The following AKAP9 variants were observed in gnomAD, a reference collection of about 807,000 sequenced individuals.
AKAP9 encodes the protein A-kinase anchor protein 9.
In AKAP9, 311 loss-of-function variants were observed where a neutral mutation model predicts 488.5. The ratio of observed to expected loss-of-function variants is 0.64; its 90% CI spans 0.58 to 0.70. The LOEUF (loss-of-function observed/expected upper bound fraction) is 0.70. Among genes scored for constraint, AKAP9 ranks in the 30% least tolerant of loss-of-function variants. The pLI is 0.00. For missense variants in AKAP9, 4,215 were observed against 4,374.5 expected, an observed-to-expected ratio of 0.96 and a Z score of 1.03; for synonymous variants, 1,462 against 1,483.5, an observed-to-expected ratio of 0.99 and a Z score of 0.33.
At chr7:91,948,605 C>CCTTT (rs1791773313) in intron 1 of AKAP9, among the ~76,000 whole-genome samples, 1 of 107,564 alleles carries the variant, frequency 9.3e-6, no homozygotes. Context: ...TTGTAGATTT[C>CCTTT]TTTTTTTTTT....
At chr7:91,989,828 A>G (rs894005035) in intron 3 of AKAP9, among the ~76,000 whole-genome samples, 4 of 152,060 alleles carry the variant, frequency 2.6e-5, no homozygotes, top group Non-Finnish European at 5.9e-5. Context: ...ATTAAGTACA[A>G]GAATAAGGTA....
chr7:91,971,560 CTTTTTTTTTTTTT>C (rs71107844), intron 1 of AKAP9, among the ~76,000 whole-genome samples: 1 of 68,542 alleles, frequency 1.5e-5, no homozygotes, highest in Non-Finnish European at 2.6e-5. Flanking sequence ...ACATCTATTT[CTTTTTTTTTTTTT>C]TTTTTTTTTT....
intron 24 of AKAP9, among the ~76,000 whole-genome samples, 162 bp from the exon 25 acceptor site, chr7:92,065,069 T>C (rs1810553638): frequency 6.6e-6 from 1 of 152,068 alleles, no homozygotes; most frequent in Non-Finnish European, 1.5e-5. Context: ...AATATTTTAA[T>C]ATAATTTTGA....
rs777423873 is a variant in AKAP9, at chr7:92,102,708, G to A, written c.11212G>A (p.Ala3738Thr). The change falls in exon 46 of 50, where the codon GCC (alanine) becomes ACC (threonine). Residue 3738 changes from alanine (A) to threonine (T), a missense_variant. Around this residue, in one of 5 missense-constraint regions of AKAP9, gnomAD observed 253 missense variants for 266.8 expected, o/e 0.95. Transcript: ENST00000356239. ...GFQECEDATLALLARMGGQPA... is the reference protein window; with the variant it reads ...GFQECEDATLTLLARMGGQPA... ...CCAGGAATGTGAAGATGCCACCTTG[G>A]CCCTGCTTGCCCGGATGGGGGGGCA... is the stretch of plus-strand genomic sequence containing the variant. 1.9e-6 allele frequency: 3 copies of A among 1,614,106 alleles called. No individual in the cohort carries two copies. The highest frequency in any genetic ancestry group is 2.5e-6 in the Non-Finnish European group (3 of 1,180,016).
chr7:92,045,301 GA>G (rs1806782257), intron 21 of AKAP9, 88 bp downstream of exon 21: 1 of 1,302,190 alleles, frequency 7.7e-7, no homozygotes, highest in Non-Finnish European at 1.1e-6. Flanking sequence ...ATATAGAAGA[GA>G]AAATAAGTAT....
At chr7:91,963,954 G>A (rs1011026949) in intron 1 of AKAP9, among the ~76,000 whole-genome samples, 2 of 151,794 alleles carry the variant, frequency 1.3e-5, no homozygotes, top group East Asian at 3.8e-4. Flanking sequence ...TTTTTTTAAA[G>A]CACAACAAAG....
intron 1 of AKAP9, among the ~76,000 whole-genome samples, chr7:91,954,847 A>T (rs572058481): frequency 2.0e-5 from 3 of 152,208 alleles, no homozygotes; most frequent in Admixed American, 2.0e-4. Flanking sequence ...TGATTCTACA[A>T]TACTGTGCCA....
At chr7:91,990,986 G>T (rs539997856) in intron 3 of AKAP9, among the ~76,000 whole-genome samples, 3 of 149,872 alleles carry the variant, frequency 2.0e-5, no homozygotes, top group East Asian at 4.0e-4. Flanking sequence ...ACATACAGTG[G>T]ATCTACACCA....
At chr7:91,995,379 C>G (rs1160808286) in intron 6 of AKAP9, among the ~76,000 whole-genome samples, 1 of 152,158 alleles carries the variant, frequency 6.6e-6, no homozygotes, top group Non-Finnish European at 1.5e-5. Context: ...CTTCGTATAT[C>G]TGCCTCAGTC....
In AKAP9 at chr7:92,002,423, T is replaced by C. The variant is rs774880478; in HGVS notation, c.2506T>C (p.Cys836Arg). The C allele has an allele frequency of 1.6e-5, 25 of 1,608,868 alleles. No individual in the cohort carries two copies. The highest frequency in any genetic ancestry group is 2.0e-5 in the Non-Finnish European group (24 of 1,178,666). Residue 836 changes from cysteine to arginine, a missense_variant, in exon 8 of 50, where the codon TGT (cysteine) becomes CGT (arginine). Transcript: ENST00000356239. ...IEENEDLKQQ[C>R]IQLNEEIEKQ... Reference sequence around the variant, plus strand: ...GGAAAATGAGGACCTCAAACAACAATGTATTCAGCTAAATGAAGAGATTGA... The same window carrying C: ...GGAAAATGAGGACCTCAAACAACAACGTATTCAGCTAAATGAAGAGATTGA...
At chr7:92,066,378 T>A in intron 25 of AKAP9, 49 bp from the exon 26 acceptor site, 1 of 1,605,418 alleles carries the variant, frequency 6.2e-7, no homozygotes. Context: ...TAATAGCTTC[T>A]CTAAATACTG....
rs770483120 is a variant in AKAP9, at chr7:92,107,323, C to G, written c.11447C>G (p.Ser3816Cys). The G allele has an allele frequency of 1.2e-6, 2 of 1,613,700 alleles. No homozygotes were observed. The highest frequency in any genetic ancestry group is 2.7e-5 in the African/African-American group (2 of 74,860). Residue 3816 changes from serine (S) to cysteine (C), a missense_variant, in exon 48 of 50, where the codon TCT becomes TGT. Transcript: ENST00000356239. ...GAEKTDSFYH[S>C]SGGLELYGEP... ...GAAAAGACTGACTCATTTTATCATT[C>G]TTCTGGTGGGCTGGAGTTATATGGA...
intron 46 of AKAP9, among the ~76,000 whole-genome samples, chr7:92,103,246 T>C (rs1201446055): frequency 6.6e-6 from 1 of 151,396 alleles, no homozygotes; most frequent in Non-Finnish European, 1.5e-5. Context: ...AAAAATTAGC[T>C]GGGCGTAGTG....
intron 1 of AKAP9, among the ~76,000 whole-genome samples, chr7:91,961,600 T>G (rs1240394462): frequency 6.6e-6 from 1 of 152,026 alleles, no homozygotes; most frequent in Non-Finnish European, 1.5e-5. Flanking sequence ...ATCCCAGCAC[T>G]TTGGGAGGCC....
At chr7:91,998,921 A>C (rs1362717526) in intron 7 of AKAP9, among the ~76,000 whole-genome samples, 1 of 152,178 alleles carries the variant, frequency 6.6e-6, no homozygotes, top group Non-Finnish European at 1.5e-5. Context: ...GGATGAAAAC[A>C]CTGGGATTAA....
chr7:92,102,955 A>T (rs1817834293), intron 46 of AKAP9, 129 bp downstream of exon 46: 1 of 849,034 alleles, frequency 1.2e-6, no homozygotes, highest in African/African-American at 1.7e-5. Context: ...GCCATCACTG[A>T]AGCATGTCTG....
intron 2 of AKAP9, among the ~76,000 whole-genome samples, chr7:91,978,768 T>C (rs1346199971): frequency 6.6e-6 from 1 of 151,664 alleles, no homozygotes; most frequent in Non-Finnish European, 1.5e-5. Flanking sequence ...ATTATTATTA[T>C]TTTTTAAAGA....
At chr7:92,085,157 A>C (rs575500100) in intron 35 of AKAP9, among the ~76,000 whole-genome samples, 3 of 152,310 alleles carry the variant, frequency 2.0e-5, no homozygotes, top group South Asian at 2.1e-4. Flanking sequence ...AATAATTCTT[A>C]TTCCTGATGT....
At chr7:92,108,917 A>G (rs1818943144) in intron 49 of AKAP9, 1 of 487,964 alleles carries the variant, frequency 2.0e-6, no homozygotes, top group African/African-American at 1.9e-5. Context: ...CACAATGAGC[A>G]CCAGTGTGCA....
Sources: gnomAD v4.1 joint callset for allele counts (sites outside exome capture counted in the v4.1 genomes callset) on GRCh38, gnomAD v4.1.1 for gene constraint, gnomAD v4.1.1 regional missense constraint, MANE v1.5 for transcripts, NCBI Gene and HGNC (gene_info 2026-07-23, HGNC 2026-07-21) for gene names.